Variants in NEK1 observed in about 807,000 individuals in gnomAD.
NEK1 encodes the protein NIMA related kinase 1.
NEK1 carries 137 observed loss-of-function variants against 182.1 expected under a neutral mutation model. The ratio of observed to expected loss-of-function variants is 0.75; its 90% CI spans 0.65 to 0.87. NEK1 has a LOEUF of 0.87. NEK1 is among the 40% of genes least tolerant of loss of function. NEK1 has a pLI of 0.00. For missense variants in NEK1, 1,391 were observed against 1,494.4 expected (o/e 0.93, Z 1.14); for synonymous variants, 513 against 492.2 (o/e 1.04, Z -0.56).
chr4:169,434,014 G>T (rs1246235799), intron 28 of NEK1, among the ~76,000 whole-genome samples: 1 of 152,006 alleles, frequency 6.6e-6, no homozygotes, highest in East Asian at 1.9e-4. Flanking sequence ...AAAGAATAAA[G>T]ATATTTGTGG....
At chr4:169,413,637 C>T (rs1324521186) in intron 31 of NEK1, among the ~76,000 whole-genome samples, 1 of 152,216 alleles carries the variant, frequency 6.6e-6, no homozygotes, top group Non-Finnish European at 1.5e-5. Flanking sequence ...CACCTCATGT[C>T]ACTAATACGT....
chr4:169,405,827 G>C, intron 32 of NEK1, among the ~76,000 whole-genome samples: 1 of 152,108 alleles, frequency 6.6e-6, no homozygotes, highest in Admixed American at 6.5e-5. Context: ...TTTTTGGCTA[G>C]GTGTGGTAGC....
intron 12 of NEK1, among the ~76,000 whole-genome samples, chr4:169,565,922 T>C (rs933187055): frequency 2.6e-5 from 4 of 152,196 alleles, no homozygotes; most frequent in East Asian, 1.9e-4. Flanking sequence ...AACCATTTAA[T>C]TGAAAACTTT....
At chr4:169,442,771 C>G (rs1250041236) in intron 27 of NEK1, among the ~76,000 whole-genome samples, 1 of 152,146 alleles carries the variant, frequency 6.6e-6, no homozygotes, top group Non-Finnish European at 1.5e-5. Context: ...CTATGACTCA[C>G]AAATGTAATC....
intron 27 of NEK1, among the ~76,000 whole-genome samples, chr4:169,445,239 T>C (rs1420795206): frequency 6.6e-6 from 1 of 151,952 alleles, no homozygotes; most frequent in Non-Finnish European, 1.5e-5. Flanking sequence ...GGCAACAAAG[T>C]GAGACCCTGT....
chr4:169,547,411 T>C (rs1343397048), intron 18 of NEK1, among the ~76,000 whole-genome samples: 1 of 152,210 alleles, frequency 6.6e-6, no homozygotes, highest in Non-Finnish European at 1.5e-5. Flanking sequence ...TAACATTTTT[T>C]CCTTCATTTC....
intron 9 of NEK1, among the ~76,000 whole-genome samples, chr4:169,586,512 A>G (rs1332468451): frequency 6.6e-6 from 1 of 152,116 alleles, no homozygotes; most frequent in Non-Finnish European, 1.5e-5. Flanking sequence ...CTTAAGACAC[A>G]TGCTACTTAA....
chr4:169,477,544 A>AAATCT lies in NEK1; in HGVS notation c.2140-52_2140-48dup, dbSNP rs780835350. 8.8e-6 allele frequency: 12 copies of AAATCT among 1,361,576 alleles called. No individual in the cohort carries two copies. In the East Asian group the frequency reaches 2.9e-4, roughly 33 times the overall value. 84.3% of individuals were successfully genotyped at this position (1,361,576 alleles called of 1,614,324 possible). Reference sequence around the variant, plus strand: ...GAGGAAGAGATAATTTTATTTTTTTAAATCTACCTTTAAAAATATTACATC... The same window carrying AAATCT: ...GAGGAAGAGATAATTTTATTTTTTTAAATCTAATCTACCTTTAAAAATATTACATC... On this transcript the variant is annotated intron_variant, in intron 24 of 35. Coordinates refer to ENST00000507142, the MANE Select transcript of NEK1 (RefSeq NM_001199397.3).
chr4:169,461,579 T>C (rs1743977711), intron 27 of NEK1, among the ~76,000 whole-genome samples: 1 of 152,144 alleles, frequency 6.6e-6, no homozygotes. Flanking sequence ...TTTTGCCACA[T>C]GTGATTTCGA....
intron 23 of NEK1, among the ~76,000 whole-genome samples, chr4:169,497,155 T>G (rs1342832490): frequency 6.6e-6 from 1 of 152,200 alleles, no homozygotes; most frequent in Non-Finnish European, 1.5e-5. Flanking sequence ...GTCGAGGAAT[T>G]TATCCATTTC....
At chr4:169,435,339 C>T (rs1334264854) in intron 28 of NEK1, among the ~76,000 whole-genome samples, 2 of 152,190 alleles carry the variant, frequency 1.3e-5, no homozygotes, top group Admixed American at 1.3e-4. Flanking sequence ...GACTCCACTT[C>T]CAATACCATT....
In NEK1 at chr4:169,507,831, A is replaced by G. The variant is rs529254481; in HGVS notation, c.1834-39T>C. On this transcript the variant is annotated intron_variant, in intron 21 of 35. Coordinates refer to ENST00000507142, the MANE Select transcript of NEK1 (RefSeq NM_001199397.3). ...AGATAAGCAAATCACTTAGGATAGA[A>G]TCATCAAATTGAGTGCAGAGCTCTG... 10 of 1,441,398 alleles carry G rather than the reference A, an allele frequency of 6.9e-6. No individual in the cohort carries two copies. In the South Asian group the frequency reaches 9.2e-5, roughly 13 times the overall value. 89.3% of individuals were successfully genotyped at this position (1,441,398 alleles called of 1,614,324 possible).
chr4:169,458,316 A>G (rs1019914953), intron 27 of NEK1, among the ~76,000 whole-genome samples: 11 of 152,238 alleles, frequency 7.2e-5, no homozygotes, highest in African/African-American at 2.2e-4. Flanking sequence ...AATAGTATTT[A>G]CAATAAGTGG....
intron 19 of NEK1, among the ~76,000 whole-genome samples, chr4:169,523,133 C>G (rs576190354): frequency 6.6e-6 from 1 of 152,286 alleles, no homozygotes; most frequent in East Asian, 1.9e-4. Flanking sequence ...TGGGCAGAAA[C>G]TACTTTTTGA....
chr4:169,417,161 C>G (rs1379173726), intron 31 of NEK1, among the ~76,000 whole-genome samples: 1 of 152,076 alleles, frequency 6.6e-6, no homozygotes, highest in Non-Finnish European at 1.5e-5. Flanking sequence ...TTGAAAAGAA[C>G]AAAGAGAAGC....
chr4:169,524,648 C>T (rs896400193), intron 19 of NEK1, among the ~76,000 whole-genome samples: 6 of 151,922 alleles, frequency 3.9e-5, no homozygotes, highest in Non-Finnish European at 5.9e-5. Context: ...TGGCTACCTG[C>T]AGGGAAAGGT....
intron 12 of NEK1, among the ~76,000 whole-genome samples, chr4:169,571,341 A>G (rs1764820551): frequency 6.6e-6 from 1 of 152,174 alleles, no homozygotes; most frequent in Non-Finnish European, 1.5e-5. Context: ...AGTGAACAAC[A>G]ACAAAAATCC....
chr4:169,426,963 T>C (rs936394891), intron 29 of NEK1, among the ~76,000 whole-genome samples: 1 of 152,166 alleles, frequency 6.6e-6, no homozygotes, highest in Non-Finnish European at 1.5e-5. Context: ...TTTATCTCTA[T>C]ATGCCTGGGA....
chr4:169,499,647 T>TG (rs947553637), intron 23 of NEK1, among the ~76,000 whole-genome samples: 5 of 152,214 alleles, frequency 3.3e-5, no homozygotes, highest in Non-Finnish European at 1.5e-5. Flanking sequence ...GCAGGTCTGT[T>TG]GGAGTTTGCT....
Sources: gnomAD v4.1 joint callset for allele counts (sites outside exome capture counted in the v4.1 genomes callset) on GRCh38, gnomAD v4.1.1 for gene constraint, MANE v1.5 for transcripts, NCBI Gene and HGNC (gene_info 2026-07-23, HGNC 2026-07-21) for gene names.